DENND3: variants seen among roughly 807,000 people sequenced by gnomAD.
DENND3 encodes DENN domain containing 3.
In DENND3, 88 loss-of-function variants were observed where a neutral mutation model predicts 135.1. The observed-to-expected ratio is 0.65, with a 90% CI of 0.55 to 0.78. The LOEUF (loss-of-function observed/expected upper bound fraction) is 0.78. DENND3 is among the 30% of genes least tolerant of loss of function. The pLI is 0.00. For missense variants in DENND3, 1,392 were observed against 1,688.4 expected (o/e 0.82, Z 3.08); for synonymous variants, 693 against 712.3 (o/e 0.97, Z 0.43).
rs34384181 is a variant in DENND3, at chr8:141,139,915, CTT to C, written c.502-1277_502-1276del. Among the ~76,000 whole-genome samples, 6 of 146,104 alleles carry C rather than the reference CTT, an allele frequency of 4.1e-5. No individual in the cohort carries two copies. The highest frequency in any genetic ancestry group is 4.5e-5 in the Non-Finnish European group (3 of 66,366). On this transcript the variant is annotated intron_variant, in intron 3 of 22. Transcript: ENST00000519811. The surrounding 1 kb of genome is among the most constrained non-coding windows in gnomAD (Gnocchi z 4.2). ...CGCTATATCTATCGTTTTTTTCTTTCTTTTTTTTTTTTGAGACAGTCTCGCTG... is the reference window on the plus strand; with the variant it reads ...CGCTATATCTATCGTTTTTTTCTTTCTTTTTTTTTTGAGACAGTCTCGCTG...
In DENND3 at chr8:141,168,091, A is replaced by T. The variant is rs747713457; in HGVS notation, c.1841A>T (p.His614Leu). 42 of 1,614,158 alleles carry T rather than the reference A, an allele frequency of 2.6e-5. 2 individuals carry two copies. The South Asian group carries it at 4.6e-4, about 18-fold the overall frequency. ...GAGAGCAAGTGCGTGCAGGCATACC[A>T]TGCCCACTTTGTCTCCATGCTGAGC... ...PLESKCVQAY[H>L]AHFVSMLSEA... Residue 614 changes from histidine to leucine, a missense_variant, in exon 13 of 23, where the codon CAT (histidine) becomes CTT (leucine). Physicochemically the swap from His to Leu is moderately conservative, Grantham distance 99 (BLOSUM62 -3). Transcript: ENST00000519811. This position sits in a 1 kb window ranked among gnomAD's most constrained non-coding sequence, Gnocchi z 6.2.
intron 20 of DENND3, 121 bp from the exon 21 acceptor site, chr8:141,192,210 G>A: frequency 7.3e-7 from 1 of 1,377,740 alleles, no homozygotes; most frequent in South Asian, 1.4e-5. Flanking sequence ...CAGGCGCCAG[G>A]TGGCACGTGG....
chr8:141,157,465 C>T, intron 8 of DENND3: 1 of 985,562 alleles, frequency 1.0e-6, no homozygotes, highest in Non-Finnish European at 1.2e-6. Context: ...CAACTGCAGC[C>T]AGGCCCTGAG....
chr8:141,150,392 C>A, intron 5 of DENND3: 1 of 1,125,498 alleles, frequency 8.9e-7, no homozygotes, highest in Non-Finnish European at 1.2e-6. Flanking sequence ...TTGAAATGCA[C>A]ATGTCTTGAA....
Position 141,138,142 on chromosome 8 carries a change from G to A in DENND3, c.501+5G>A. The A allele has an allele frequency of 6.3e-7, 1 of 1,596,162 alleles. No homozygotes were observed. The highest frequency in any genetic ancestry group is 8.5e-7 in the Non-Finnish European group (1 of 1,170,112). Reference sequence around the variant, plus strand: ...CAGTACTACCGGCCCCTGCATGTAGGTGGTTCCCGTTACTCCCCTCTGAAA... The same window carrying A: ...CAGTACTACCGGCCCCTGCATGTAGATGGTTCCCGTTACTCCCCTCTGAAA... On this transcript the variant is annotated splice_donor_5th_base_variant and intron_variant, in intron 3 of 22. Transcript: ENST00000519811. The surrounding 1 kb of genome is among the most constrained non-coding windows in gnomAD (Gnocchi z 4.8).
At chr8:141,191,433 C>A in intron 20 of DENND3, 1 of 152,368 alleles carries the variant, frequency 6.6e-6, no homozygotes. Flanking sequence ...TCCCCTGCCC[C>A]AAGTGGGCAC....
intron 9 of DENND3, among the ~76,000 whole-genome samples, chr8:141,161,687 G>A (rs543156724): frequency 1.3e-5 from 2 of 152,250 alleles, no homozygotes; most frequent in East Asian, 3.9e-4. Flanking sequence ...CACCCCCGAT[G>A]CTGGCCTCCT....
chr8:141,173,978 G>A (rs1361626977), intron 13 of DENND3, among the ~76,000 whole-genome samples: 2 of 152,200 alleles, frequency 1.3e-5, no homozygotes, highest in African/African-American at 4.8e-5. Context: ...AGTGCCATAA[G>A]GGAAGCAGGT....
In DENND3 at chr8:141,175,154, G is replaced by A; in HGVS notation, c.2276-46G>A. 3.2e-6 allele frequency: 5 copies of A among 1,569,684 alleles called. No homozygotes were observed. The highest frequency in any genetic ancestry group is 4.3e-6 in the Non-Finnish European group (5 of 1,158,162). ...ATGGAGAAGCCCTTGGGGCTCCCGA[G>A]GTATGTGGCTGTAAGATACCTCTCT... On this transcript the variant is annotated intron_variant, in intron 13 of 22. Transcript: ENST00000519811. The surrounding 1 kb of genome is among the most constrained non-coding windows in gnomAD (Gnocchi z 5.4).
At chr8:141,165,667 T>A (rs1280652170) in intron 11 of DENND3, among the ~76,000 whole-genome samples, 1 of 152,162 alleles carries the variant, frequency 6.6e-6, no homozygotes, top group African/African-American at 2.4e-5. Context: ...TTTCGCCATG[T>A]TGGCCAGGCT....
In DENND3 at chr8:141,128,602, G is replaced by T; in HGVS notation, c.-106G>T. Reference sequence around the variant, plus strand: ...CAGCCCCGCCCCGCAGACGGCGCTCGCAGCGCCCCCGGCCCCCAGGCGGCG... The same window carrying T: ...CAGCCCCGCCCCGCAGACGGCGCTCTCAGCGCCCCCGGCCCCCAGGCGGCG... On this transcript the variant is annotated 5_prime_UTR_variant, in exon 1 of 23. Coordinates refer to ENST00000519811, the MANE Select transcript of DENND3 (RefSeq NM_001352890.3). The surrounding 1 kb of genome is among the most constrained non-coding windows in gnomAD (Gnocchi z 4.5). 1 of 577,450 alleles carries T rather than the reference G, an allele frequency of 1.7e-6. No individual in the cohort carries two copies. The highest frequency in any genetic ancestry group is 2.3e-6 in the Non-Finnish European group (1 of 425,608). The allele number at this position is 577,450 out of a possible 1,614,324, so 35.8% of individuals were successfully genotyped here.
In DENND3 at chr8:141,190,418, G is replaced by A. The variant is rs1182710620; in HGVS notation, c.3379+1G>A. On this transcript the variant is annotated splice_donor_variant, in intron 20 of 22. Coordinates refer to ENST00000519811, the MANE Select transcript of DENND3 (RefSeq NM_001352890.3). LOFTEE classifies it high-confidence loss of function. ...CTGCACGGCGGCCGCCTGTGGTGCT[G>A]TAAGTCCGGCCCCTGCCATCAGAGC... 6 of 1,606,546 alleles carry A rather than the reference G, an allele frequency of 3.7e-6. No homozygotes were observed. Among genetic ancestry groups the A allele is most frequent in the Admixed American group, 1.7e-5 (1 of 59,382 alleles).
chr8:141,180,806 G>GC lies in DENND3; in HGVS notation c.2897dup (p.Glu968GlyfsTer18). The GC allele has an allele frequency of 6.2e-7, 1 of 1,613,404 alleles. No individual in the cohort carries two copies. The highest frequency in any genetic ancestry group is 8.5e-7 in the Non-Finnish European group (1 of 1,179,646). On this transcript the variant is annotated frameshift_variant, in exon 17 of 23. Coordinates refer to ENST00000519811, the MANE Select transcript of DENND3 (RefSeq NM_001352890.3). LOFTEE classifies it high-confidence loss of function. ...ACTGAAGCATAAAATCAACCCCTCGGCGGGGGAGGCGTTCCCACAAGCGGT... is the reference window on the plus strand; with the variant it reads ...ACTGAAGCATAAAATCAACCCCTCGGCCGGGGGAGGCGTTCCCACAAGCGGT...
intron 1 of DENND3, among the ~76,000 whole-genome samples, chr8:141,134,538 G>A (rs2154612673): frequency 6.6e-6 from 1 of 152,180 alleles, no homozygotes; most frequent in South Asian, 2.1e-4. Context: ...CTCCCAAAGT[G>A]CTGAGATTAC....
In DENND3 at chr8:141,128,595, G is replaced by T. The variant is rs1815439425; in HGVS notation, c.-113G>T. Reference sequence around the variant, plus strand: ...CCGCCTCCAGCCCCGCCCCGCAGACGGCGCTCGCAGCGCCCCCGGCCCCCA... The same window carrying T: ...CCGCCTCCAGCCCCGCCCCGCAGACTGCGCTCGCAGCGCCCCCGGCCCCCA... On this transcript the variant is annotated 5_prime_UTR_variant, in exon 1 of 23. Coordinates refer to ENST00000519811, the MANE Select transcript of DENND3 (RefSeq NM_001352890.3). This position sits in a 1 kb window ranked among gnomAD's most constrained non-coding sequence, Gnocchi z 4.5. 2.1e-6 allele frequency: 1 copy of T among 479,126 alleles called. No individual in the cohort carries two copies. Among genetic ancestry groups the T allele is most frequent in the Admixed American group, 5.4e-5 (1 of 18,568 alleles). 29.7% of individuals were successfully genotyped at this position (479,126 alleles called of 1,614,324 possible). A position where few individuals can be genotyped will look rare whatever the true frequency, so the allele number is the denominator to read the frequency against.
chr8:141,180,175 G>A (rs1409843662), intron 16 of DENND3, among the ~76,000 whole-genome samples: 1 of 152,240 alleles, frequency 6.6e-6, no homozygotes, highest in African/African-American at 2.4e-5. Context: ...ACAGCACCTG[G>A]AGATATCTGT....
Position 141,192,576 on chromosome 8 carries a change from G to C in DENND3, c.3549G>C (p.Trp1183Cys). 1 of 1,580,266 alleles carries C rather than the reference G, an allele frequency of 6.3e-7. No individual in the cohort carries two copies. Among genetic ancestry groups the C allele is most frequent in the Non-Finnish European group, 8.6e-7 (1 of 1,160,736 alleles). The change falls in exon 22 of 23, where the codon TGG (tryptophan) becomes TGC (cysteine). Residue 1183 changes from tryptophan to cysteine, a missense_variant. Trp to Cys is a radical substitution (Grantham distance 215). Transcript: ENST00000519811. Reference protein sequence around the residue: ...ACAGRSEVYIWSLKDLAQPPQ... With the variant: ...ACAGRSEVYICSLKDLAQPPQ... ...CAGGACGCAGCGAGGTTTACATCTG[G>C]AGCCTGAAGGACCTGGCCCAGCCCC... is the stretch of plus-strand genomic sequence containing the variant.
At chr8:141,150,223 C>A in intron 5 of DENND3, 1 of 913,466 alleles carries the variant, frequency 1.1e-6, no homozygotes, top group Non-Finnish European at 1.5e-6. Context: ...CATTTCCTGG[C>A]AGGCTCAGAA....
Position 141,190,297 on chromosome 8 carries a change from T to G in DENND3, c.3259T>G (p.Cys1087Gly). 2 of 1,603,996 alleles carry G rather than the reference T, an allele frequency of 1.2e-6. No individual in the cohort carries two copies. Among genetic ancestry groups the G allele is most frequent in the Non-Finnish European group, 1.7e-6 (2 of 1,175,164 alleles). Residue 1087 changes from cysteine to glycine, a missense_variant, in exon 20 of 23, where the codon TGC becomes GGC. Coordinates refer to ENST00000519811, the MANE Select transcript of DENND3 (RefSeq NM_001352890.3). ...GQEAPSNVYS[C>G]SMDGMVLVWN... ...TTGTGCCCCCAGCAACGTGTACTCG[T>G]GCAGCATGGACGGCATGGTGCTGGT... is the stretch of plus-strand genomic sequence containing the variant.
Sources: allele counts gnomAD v4.1 joint callset (sites outside exome capture counted in the v4.1 genomes callset), GRCh38; gene constraint gnomAD v4.1.1; non-coding constraint Gnocchi (gnomAD v3.1); transcripts MANE v1.5; gene names NCBI Gene and HGNC (gene_info 2026-07-23, HGNC 2026-07-21).